The following BST1 variants were observed in gnomAD, a reference collection of about 807,000 sequenced individuals.
The protein encoded by BST1 is bone marrow stromal cell antigen 1.
In BST1, 49 loss-of-function variants were observed where a neutral mutation model predicts 40.6. The observed-to-expected ratio is 1.21, with a 90% CI of 0.96 to 1.53. BST1 has a LOEUF of 1.53. Among genes scored for constraint, BST1 ranks in the 40% most tolerant of loss-of-function variants. The pLI is 0.00. For synonymous variants in BST1, 157 were observed against 159.3 expected (o/e 0.99, Z 0.11); for missense variants, 423 against 395.9 (o/e 1.07, Z -0.58).
chr4:15,753,776 G>A, the BST1 span, among the ~76,000 whole-genome samples: 1 of 152,236 alleles, frequency 6.6e-6, no homozygotes, highest in Non-Finnish European at 1.5e-5. Flanking sequence ...ATCGGAGGAG[G>A]TTTAATAGGG....
At chr4:15,717,204 G>A (rs1009468011) in intron 6 of BST1, among the ~76,000 whole-genome samples, 5 of 152,106 alleles carry the variant, frequency 3.3e-5, no homozygotes, top group African/African-American at 1.2e-4. Flanking sequence ...GCATTTTCCC[G>A]GGTATTGGCA....
At chr4:15,751,189 G>A in the BST1 span, among the ~76,000 whole-genome samples, 1,151 of 152,314 alleles carry the variant, frequency 7.6e-3, 11 homozygotes, top group Middle Eastern at 0.027. Context: ...TTAAAGAGGA[G>A]GGGTTATATG....
At chr4:15,705,405 G>T in intron 1 of BST1, 110 bp from the exon 2 acceptor site, 1 of 1,257,516 alleles carries the variant, frequency 8.0e-7, no homozygotes, top group South Asian at 1.5e-5. Context: ...GCCTACTTCT[G>T]CAGTTACTAT....
rs530283278 is a variant in BST1 at position 15,721,188 on chromosome 4, T to A, written c.792-1687T>A. On this transcript the variant is annotated intron_variant, in intron 7 of 8. Transcript: ENST00000265016. ...AATGGGAAAGTGATGAGGGTTAACA[T>A]AACAAATCCAACTCCAACCCAGATG... Among the ~76,000 whole-genome samples the A allele has an allele frequency of 2.0e-4, 30 of 152,264 alleles. No homozygotes were observed. The East Asian group carries it at 5.6e-3, about 28-fold the overall frequency.
rs1439069927 is a variant in BST1, at chr4:15,703,405, T to C, written c.188+73T>C. 33 of 1,442,960 alleles carry C rather than the reference T, an allele frequency of 2.3e-5. No individual in the cohort carries two copies. In the South Asian group the frequency reaches 4.2e-4, roughly 18 times the overall value. 89.4% of individuals were successfully genotyped at this position (1,442,960 alleles called of 1,614,324 possible). ...GGGGAGGGCCTGGGGAGGGGAAAAC[T>C]GGCGCTAAAGTTCGGGGTGAGGGGG... On this transcript the variant is annotated intron_variant, in intron 1 of 8. Coordinates refer to ENST00000265016, the MANE Select transcript of BST1 (RefSeq NM_004334.3).
At chr4:15,767,844 C>T in the BST1 span, among the ~76,000 whole-genome samples, 1 of 151,864 alleles carries the variant, frequency 6.6e-6, no homozygotes, top group African/African-American at 2.4e-5. Flanking sequence ...TGGTCTCGAA[C>T]TCCTGACCTC....
the BST1 span, among the ~76,000 whole-genome samples, chr4:15,748,277 C>T: frequency 6.6e-6 from 1 of 152,176 alleles, no homozygotes; most frequent in Non-Finnish European, 1.5e-5. Flanking sequence ...TTCCCAGGAG[C>T]ATGGTGCCGA....
At position 15,731,725 on chromosome 4, in the gene BST1, C is replaced by T. The variant is rs751056433; in HGVS notation, c.852-15C>T. On this transcript the variant is annotated splice_polypyrimidine_tract_variant and intron_variant, in intron 8 of 8. Transcript: ENST00000265016. ...CCAATACTGACACTTTCTCTATTTC[C>T]TTGTTAATTTGCAGGGCAGCAGCCG... 3.7e-6 allele frequency: 6 copies of T among 1,606,128 alleles called. No homozygotes were observed. Among genetic ancestry groups the T allele is most frequent in the Non-Finnish European group, 4.3e-6 (5 of 1,175,912 alleles).
At chr4:15,716,602 T>A (rs542437987) in intron 6 of BST1, among the ~76,000 whole-genome samples, 2 of 152,348 alleles carry the variant, frequency 1.3e-5, no homozygotes, top group East Asian at 3.9e-4. Flanking sequence ...ATATAAGGGG[T>A]TATTTTTCCC....
chr4:15,735,441 C>A (rs1309001378), downstream of BST1, among the ~76,000 whole-genome samples: 1 of 152,062 alleles, frequency 6.6e-6, no homozygotes, highest in Non-Finnish European at 1.5e-5. Flanking sequence ...CTTTAGCTTT[C>A]TTTTGTTGGA....
chr4:15,731,997 A>G lies in BST1; in HGVS notation c.*152A>G, dbSNP rs949170157. 2.8e-5 allele frequency: 38 copies of G among 1,353,906 alleles called. No homozygotes were observed. The East Asian group carries it at 9.1e-4, about 32-fold the overall frequency. The allele number at this position is 1,353,906 out of a possible 1,614,324, so 83.9% of individuals were successfully genotyped here. Reference sequence around the variant, plus strand: ...TGAAAATGGTATTTCAATGAGGCATATGTTCAGGATTTCAGAAACAAGAAG... The same window carrying G: ...TGAAAATGGTATTTCAATGAGGCATGTGTTCAGGATTTCAGAAACAAGAAG... On this transcript the variant is annotated 3_prime_UTR_variant, in exon 9 of 9. Transcript: ENST00000265016.
At chr4:15,726,814 C>T (rs962472208) in intron 8 of BST1, among the ~76,000 whole-genome samples, 2 of 152,194 alleles carry the variant, frequency 1.3e-5, no homozygotes, top group East Asian at 1.9e-4. Flanking sequence ...GGTTAGCTCC[C>T]CTGCTGCAGG....
At chr4:15,752,003 G>A in the BST1 span, among the ~76,000 whole-genome samples, 1 of 152,138 alleles carries the variant, frequency 6.6e-6, no homozygotes, top group African/African-American at 2.4e-5. Flanking sequence ...AGGAGATTTA[G>A]TTTTGCACTG....
the BST1 span, among the ~76,000 whole-genome samples, chr4:15,761,739 C>G: frequency 6.6e-6 from 1 of 151,914 alleles, no homozygotes; most frequent in Non-Finnish European, 1.5e-5. Flanking sequence ...ATGCACAGAA[C>G]AGACACCTTG....
chr4:15,753,561 T>A, the BST1 span, among the ~76,000 whole-genome samples: 1 of 152,162 alleles, frequency 6.6e-6, no homozygotes, highest in Non-Finnish European at 1.5e-5. Flanking sequence ...TCTTTAAGAA[T>A]GTTACGAGAC....
intron 8 of BST1, 152 bp from the exon 9 acceptor site, chr4:15,731,588 C>T (rs1351937935): frequency 8.7e-7 from 1 of 1,145,204 alleles, no homozygotes; most frequent in African/African-American, 1.5e-5. Context: ...ACTTCGCGCA[C>T]CGCCTCCTAC....
downstream of BST1, chr4:15,736,030 T>C (rs1490897184): frequency 8.0e-7 from 1 of 1,255,068 alleles, no homozygotes; most frequent in Non-Finnish European, 1.0e-6. Flanking sequence ...TATGTGTTTT[T>C]ATGCACATAT....
At chr4:15,727,169 G>A (rs1007198590) in intron 8 of BST1, among the ~76,000 whole-genome samples, 10 of 152,154 alleles carry the variant, frequency 6.6e-5, no homozygotes, top group African/African-American at 1.9e-4. Flanking sequence ...CTCAGAGGCC[G>A]AAGCAAAACG....
intron 3 of BST1, among the ~76,000 whole-genome samples, chr4:15,711,033 A>C (rs981842927): frequency 6.6e-6 from 1 of 151,654 alleles, no homozygotes; most frequent in African/African-American, 2.4e-5. Flanking sequence ...CAGGTAATCC[A>C]CCCGCCTCAG....
Sources: allele counts gnomAD v4.1 joint callset (sites outside exome capture counted in the v4.1 genomes callset), GRCh38; gene constraint gnomAD v4.1.1; transcripts MANE v1.5; gene names NCBI Gene and HGNC (gene_info 2026-07-23, HGNC 2026-07-21).